The following CEP164 variants were observed in gnomAD, a reference collection of about 807,000 sequenced individuals.
The protein encoded by CEP164 is centrosomal protein 164.
A neutral mutation model predicts 182.7 loss-of-function variants in CEP164; 162 were observed. The observed-to-expected ratio is 0.89, with a 90% CI of 0.78 to 1.01. The LOEUF is 1.01. Among genes scored for constraint, CEP164 ranks in the 50% least tolerant of loss-of-function variants. CEP164 has a pLI of 0.00. For synonymous variants in CEP164, 661 were observed against 690.0 expected (o/e 0.96, Z 0.66); for missense variants, 1,735 against 1,790.4 (o/e 0.97, Z 0.56).
At chr11:117,379,210 C>T (rs1046828811) in intron 11 of CEP164, among the ~76,000 whole-genome samples, 4 of 152,140 alleles carry the variant, frequency 2.6e-5, no homozygotes, top group Non-Finnish European at 4.4e-5. Flanking sequence ...CTACAGGCAC[C>T]GGGAGGTACT....
chr11:117,370,345 A>G (rs2042080911), intron 8 of CEP164, among the ~76,000 whole-genome samples: 1 of 152,154 alleles, frequency 6.6e-6, no homozygotes, highest in South Asian at 2.1e-4. Context: ...AAAATAGAAA[A>G]TTGAGACTTT....
intron 5 of CEP164, among the ~76,000 whole-genome samples, chr11:117,353,428 T>G (rs542283272): frequency 2.7e-4 from 41 of 152,294 alleles, no homozygotes; most frequent in Non-Finnish European, 4.0e-4. Context: ...GCCACAGGGC[T>G]TTTCATGGAC....
chr11:117,392,384 C>T lies in CEP164; in HGVS notation c.2361+81C>T. Reference sequence around the variant, plus strand: ...TCCCTGGCTACTAGGCAGCGAGCCTCTCTCTCCAGCCCTGGGGGATGGATG... The same window carrying T: ...TCCCTGGCTACTAGGCAGCGAGCCTTTCTCTCCAGCCCTGGGGGATGGATG... On this transcript the variant is annotated intron_variant, in intron 18 of 32. Coordinates refer to ENST00000278935, the MANE Select transcript of CEP164 (RefSeq NM_014956.5). 1.9e-6 allele frequency: 3 copies of T among 1,566,580 alleles called. No homozygotes were observed. In the South Asian group the frequency reaches 3.6e-5, roughly 19 times the overall value.
intron 5 of CEP164, among the ~76,000 whole-genome samples, chr11:117,354,510 T>C (rs2040077366): frequency 6.6e-6 from 1 of 152,124 alleles, no homozygotes; most frequent in Non-Finnish European, 1.5e-5. Flanking sequence ...GCAGTGTGGG[T>C]CTTTGTGACG....
At position 117,363,451 on chromosome 11, in the gene CEP164, C is replaced by A. The variant is rs567606919; in HGVS notation, c.710C>A (p.Pro237His). The change falls in exon 8 of 33, where the codon CCT (proline) becomes CAT (histidine). Residue 237 changes from proline to histidine, a missense_variant. Physicochemically the swap from Pro to His is moderately conservative, Grantham distance 77 (BLOSUM62 -2). Coordinates refer to ENST00000278935, the MANE Select transcript of CEP164 (RefSeq NM_014956.5). ...TAGAGTGTCCACAGCTCAAGTGAGC[C>A]TCTTAGGAACCTACACCTGGACATT... is the stretch of plus-strand genomic sequence containing the variant. ...DNQSVHSSSE[P>H]LRNLHLDIGA... 12 of 1,613,938 alleles carry A rather than the reference C, an allele frequency of 7.4e-6. No homozygotes were observed. In the African/African-American group the frequency reaches 1.6e-4, roughly 22 times the overall value.
chr11:117,396,348 C>G (rs929067979), intron 25 of CEP164, among the ~76,000 whole-genome samples, 168 bp downstream of exon 25: 4 of 152,158 alleles, frequency 2.6e-5, no homozygotes, highest in Non-Finnish European at 5.9e-5. Flanking sequence ...AGGGCTGGCT[C>G]TGTTCTCTAT....
intron 3 of CEP164, among the ~76,000 whole-genome samples, chr11:117,339,922 G>A (rs1319273802): frequency 1.3e-5 from 2 of 152,108 alleles, no homozygotes; most frequent in African/African-American, 4.8e-5. Context: ...GGCACAGAAA[G>A]ATTAACTTCC....
upstream of CEP164, chr11:117,324,102 G>C (rs895550421): frequency 5.1e-6 from 1 of 196,550 alleles, no homozygotes; most frequent in Non-Finnish European, 1.1e-5. Context: ...CAACCTATGA[G>C]TGAAGTCCTC....
At position 117,411,847 on chromosome 11, in the gene CEP164, A is replaced by G; in HGVS notation, c.4216A>G (p.Ser1406Gly). ...HSHSQVPEAG[S>G]TTFQGIIEAN... ...CCATTCGCAAGTCCCTGAGGCGGGC[A>G]GCACCACCTTTCAGGGCATAATTGA... is the stretch of plus-strand genomic sequence containing the variant. The change falls in exon 32 of 33, where the codon AGC (serine) becomes GGC (glycine). Residue 1406 changes from serine (S) to glycine (G), a missense_variant. By Grantham distance (56) the Ser-to-Gly change is moderately conservative (BLOSUM62 0). Coordinates refer to ENST00000278935, the MANE Select transcript of CEP164 (RefSeq NM_014956.5). The surrounding 1 kb of genome is among the most constrained non-coding windows in gnomAD (Gnocchi z 4.4). 6.2e-7 allele frequency: 1 copy of G among 1,614,134 alleles called. No homozygotes were observed. Among genetic ancestry groups the G allele is most frequent in the Non-Finnish European group, 8.5e-7 (1 of 1,180,016 alleles).
chr11:117,371,581 G>A (rs1051046683), intron 9 of CEP164, 115 bp downstream of exon 9: 32 of 1,306,490 alleles, frequency 2.4e-5, no homozygotes, highest in South Asian at 3.2e-5. Context: ...CTTCATTTGC[G>A]TGTCCCTGCA....
chr11:117,411,984 G>A lies in CEP164; in HGVS notation c.4286+67G>A. ...GACTGTGCTTGTGCCCTGAGGGGCT[G>A]AGGAGGATCCTGTTCAGCCTTTGAC... On this transcript the variant is annotated intron_variant, in intron 32 of 32. Coordinates refer to ENST00000278935, the MANE Select transcript of CEP164 (RefSeq NM_014956.5). The surrounding 1 kb of genome is among the most constrained non-coding windows in gnomAD (Gnocchi z 4.4). 1 of 1,611,024 alleles carries A rather than the reference G, an allele frequency of 6.2e-7. No individual in the cohort carries two copies. The highest frequency in any genetic ancestry group is 8.5e-7 in the Non-Finnish European group (1 of 1,178,242).
chr11:117,336,610 G>A, intron 2 of CEP164: 5 of 1,342,994 alleles, frequency 3.7e-6, no homozygotes, highest in Admixed American at 1.7e-5. Flanking sequence ...GGCCCTGGCT[G>A]TCTGGCATTG....
intron 4 of CEP164, among the ~76,000 whole-genome samples, chr11:117,351,220 A>G (rs1191368732): frequency 1.3e-5 from 2 of 152,000 alleles, no homozygotes; most frequent in African/African-American, 2.4e-5. Flanking sequence ...TAGTAGAGAC[A>G]GGGTTTCTCC....
chr11:117,336,730 G>A lies in CEP164; in HGVS notation c.-22+1050G>A, dbSNP rs2037191624. ...TGGCTGGGCCTTTCTGCTTGAAGAG[G>A]GCCGTTTCATCCTTGCTGCTCCAGG... On this transcript the variant is annotated intron_variant, in intron 2 of 32. Transcript: ENST00000278935. 5.9e-6 allele frequency: 4 copies of A among 677,124 alleles called. No individual in the cohort carries two copies. In the Admixed American group the frequency reaches 6.9e-5, roughly 12 times the overall value. 41.9% of individuals were successfully genotyped at this position (677,124 alleles called of 1,614,324 possible). A position where few individuals can be genotyped will look rare whatever the true frequency, so the allele number is the denominator to read the frequency against.
chr11:117,362,895 A>G (rs1197021216), intron 7 of CEP164, among the ~76,000 whole-genome samples: 1 of 152,238 alleles, frequency 6.6e-6, no homozygotes, highest in African/African-American at 2.4e-5. Context: ...GGTACTTCAT[A>G]TAAGTGGAAT....
intron 14 of CEP164, chr11:117,386,812 G>A (rs989131938): frequency 2.5e-4 from 54 of 212,144 alleles, no homozygotes; most frequent in African/African-American, 1.1e-3. Flanking sequence ...AGCAGGCAGA[G>A]CTCTAGCGGG....
intron 28 of CEP164, chr11:117,408,486 G>T (rs925053146): frequency 2.8e-5 from 7 of 249,414 alleles, no homozygotes; most frequent in African/African-American, 1.3e-4. Context: ...GGGTGGTGGG[G>T]GTCTGTGTGG....
In CEP164 at chr11:117,382,952, A is replaced by G. The variant is rs879194673; in HGVS notation, c.1724+10A>G. ...CAGTCTCTCCAGAGGTGTAAGGGCC[A>G]GTTTTGTGTGTCTGTCCCTGACCTC... On this transcript the variant is annotated intron_variant, in intron 14 of 32. Transcript: ENST00000278935. The G allele has an allele frequency of 6.2e-7, 1 of 1,611,078 alleles. No individual in the cohort carries two copies. Among genetic ancestry groups the G allele is most frequent in the South Asian group, 1.1e-5 (1 of 90,890 alleles).
intron 16 of CEP164, 31 bp from the exon 17 acceptor site, chr11:117,390,968 G>T (rs374713651): frequency 2.5e-4 from 406 of 1,613,930 alleles, no homozygotes; most frequent in Non-Finnish European, 3.3e-4. Context: ...AGGGTGCACA[G>T]GCCCGTTACC....
Sources: gnomAD v4.1 joint callset for allele counts (sites outside exome capture counted in the v4.1 genomes callset) on GRCh38, gnomAD v4.1.1 for gene constraint, Gnocchi (gnomAD v3.1) non-coding constraint, MANE v1.5 for transcripts, NCBI Gene and HGNC (gene_info 2026-07-23, HGNC 2026-07-21) for gene names.